GAREM1: variants seen among roughly 807,000 people sequenced by gnomAD.
GAREM1 encodes GRB2-associated and regulator of MAPK protein 1.
GAREM1 carries 26 observed loss-of-function variants against 71.3 expected under a neutral mutation model. That is an observed-to-expected ratio of 0.36 (90% confidence interval 0.27 to 0.51). The LOEUF (loss-of-function observed/expected upper bound fraction) is 0.51. Among genes scored for constraint, GAREM1 ranks in the 20% least tolerant of loss-of-function variants. The pLI, the probability that GAREM1 is intolerant of heterozygous loss-of-function variation, is 0.95. For missense variants in GAREM1, 1,026 were observed against 1,103.1 expected (o/e 0.93, Z 0.99); for synonymous variants, 440 against 433.2 (o/e 1.02, Z -0.20).
chr18:32,354,667 C>T (rs1358636180), intron 2 of GAREM1, among the ~76,000 whole-genome samples: 4 of 152,194 alleles, frequency 2.6e-5, no homozygotes. Context: ...GGTCAACTCC[C>T]TCCACTGGCT....
At chr18:32,434,065 G>C (rs561562763) in intron 1 of GAREM1, among the ~76,000 whole-genome samples, 1 of 152,104 alleles carries the variant, frequency 6.6e-6, no homozygotes, top group Non-Finnish European at 1.5e-5. Context: ...CTGGTGAATG[G>C]AGAGAGACAC....
At position 32,266,641 on chromosome 18, in the gene GAREM1, T is replaced by C. The variant is rs1047631808; in HGVS notation, c.*1230A>G. The C allele has an allele frequency of 2.0e-5, 3 of 152,216 alleles. No homozygotes were observed. Among genetic ancestry groups the C allele is most frequent in the African/African-American group, 4.8e-5 (2 of 41,450 alleles). The allele number at this position is 152,216 out of a possible 1,614,324, so 9.4% of individuals were successfully genotyped here. A position where few individuals can be genotyped will look rare whatever the true frequency, so the allele number is the denominator to read the frequency against. On this transcript the variant is annotated 3_prime_UTR_variant, in exon 6 of 6. Coordinates refer to ENST00000269209, the MANE Select transcript of GAREM1 (RefSeq NM_001242409.2). Reference sequence around the variant, plus strand: ...TGAAAGAGAGGGAAGAAGTGGTTTATGAAATAAACAAGTCCTCTTATTGGT... The same window carrying C: ...TGAAAGAGAGGGAAGAAGTGGTTTACGAAATAAACAAGTCCTCTTATTGGT...
At chr18:32,419,573 G>C (rs2048501113) in intron 1 of GAREM1, among the ~76,000 whole-genome samples, 1 of 152,156 alleles carries the variant, frequency 6.6e-6, no homozygotes, top group South Asian at 2.1e-4. Context: ...CTCCAGAACT[G>C]TGAGAAATAA....
intron 1 of GAREM1, among the ~76,000 whole-genome samples, chr18:32,411,493 C>T (rs2048416028): frequency 6.7e-6 from 1 of 148,740 alleles, no homozygotes; most frequent in Non-Finnish European, 1.5e-5. Context: ...AAAAATATTT[C>T]TTTTTTTTTT....
chr18:32,359,683 C>T (rs1373641841), intron 2 of GAREM1, among the ~76,000 whole-genome samples: 2 of 152,154 alleles, frequency 1.3e-5, no homozygotes, highest in African/African-American at 4.8e-5. Flanking sequence ...AAGATCCTTG[C>T]TAGCACTTTG....
Position 32,287,116 on chromosome 18 carries a change from AGAG to A in GAREM1, c.1478_1480del (p.Pro493del), listed in dbSNP as rs748425677. The A allele has an allele frequency of 5.6e-6, 9 of 1,614,076 alleles. No homozygotes were observed. Among genetic ancestry groups the A allele is most frequent in the East Asian group, 4.5e-5 (2 of 44,886 alleles). On this transcript the variant is annotated inframe_deletion, in exon 4 of 6. Transcript: ENST00000269209. This position sits in a 1 kb window ranked among gnomAD's most constrained non-coding sequence, Gnocchi z 5.9. ...TGCTCCCAGAGTCCCAGGGATGGGA[AGAG>A]GAGAAGTCGCACATTTGGATCGGAC...
chr18:32,416,419 T>C (rs948031547), intron 1 of GAREM1, among the ~76,000 whole-genome samples: 2 of 152,050 alleles, frequency 1.3e-5, no homozygotes, highest in Admixed American at 1.3e-4. Flanking sequence ...AAAGCTATCC[T>C]GAGCAAAAGA....
chr18:32,275,721 C>T (rs770883587), intron 4 of GAREM1, among the ~76,000 whole-genome samples: 7 of 152,158 alleles, frequency 4.6e-5, no homozygotes, highest in Non-Finnish European at 7.3e-5. Flanking sequence ...TCTTGTTGCC[C>T]AGGCTGGAGT....
chr18:32,450,815 G>A (rs1204924827), intron 1 of GAREM1, among the ~76,000 whole-genome samples: 1 of 152,084 alleles, frequency 6.6e-6, no homozygotes, highest in Non-Finnish European at 1.5e-5. Context: ...AGGGATACAA[G>A]GTGCATCACT....
At chr18:32,299,289 C>G (rs947908613) in intron 3 of GAREM1, among the ~76,000 whole-genome samples, 4 of 151,764 alleles carry the variant, frequency 2.6e-5, no homozygotes, top group Non-Finnish European at 4.4e-5. Context: ...CGGAGGCGGG[C>G]GGATCACGAG....
chr18:32,297,607 A>G (rs2047155849), intron 3 of GAREM1, among the ~76,000 whole-genome samples: 2 of 152,198 alleles, frequency 1.3e-5, no homozygotes, highest in Non-Finnish European at 2.9e-5. Flanking sequence ...TGTACTGAAT[A>G]TCGTTCAAAT....
At chr18:32,411,022 C>T (rs371934237) in intron 1 of GAREM1, among the ~76,000 whole-genome samples, 1 of 152,102 alleles carries the variant, frequency 6.6e-6, no homozygotes, top group Non-Finnish European at 1.5e-5. Context: ...AGGCTGGTCT[C>T]GAACTCCTGA....
At chr18:32,452,940 G>A (rs1248644445) in intron 1 of GAREM1, among the ~76,000 whole-genome samples, 1 of 151,888 alleles carries the variant, frequency 6.6e-6, no homozygotes, top group African/African-American at 2.4e-5. Flanking sequence ...GTTTACACGT[G>A]GGTGTGTGCT....
chr18:32,314,661 T>C (rs1427773814), intron 2 of GAREM1, among the ~76,000 whole-genome samples: 1 of 151,684 alleles, frequency 6.6e-6, no homozygotes, highest in Non-Finnish European at 1.5e-5. Context: ...CGATCTCAGC[T>C]CACTGCAACC....
chr18:32,274,923 T>C (rs1446730652), intron 4 of GAREM1, among the ~76,000 whole-genome samples: 2 of 150,178 alleles, frequency 1.3e-5, no homozygotes, highest in Non-Finnish European at 3.0e-5. Flanking sequence ...TCACACAGAA[T>C]GCCTGGTAGG....
chr18:32,409,502 G>A (rs2048397796), intron 1 of GAREM1, among the ~76,000 whole-genome samples: 2 of 152,112 alleles, frequency 1.3e-5, no homozygotes, highest in Non-Finnish European at 2.9e-5. Context: ...TCTAGACAAA[G>A]CAATATGTGG....
chr18:32,343,466 C>T (rs1407297058), intron 2 of GAREM1, among the ~76,000 whole-genome samples: 5 of 151,872 alleles, frequency 3.3e-5, no homozygotes, highest in African/African-American at 9.7e-5. Flanking sequence ...AGGCACCCGC[C>T]AATTTTGTAT....
intron 4 of GAREM1, among the ~76,000 whole-genome samples, chr18:32,283,415 C>T (rs144380453): frequency 5.3e-5 from 8 of 151,938 alleles, no homozygotes; most frequent in Non-Finnish European, 8.8e-5. Context: ...GATGTGGTAG[C>T]GCATGCCTGT....
rs992625772 is a variant in GAREM1 at position 32,323,473 on chromosome 18, C to T, written c.263-13150G>A. 2.0e-5 allele frequency among the ~76,000 whole-genome samples: 3 copies of T among 152,180 alleles called. No individual in the cohort carries two copies. The South Asian group carries it at 6.2e-4, about 32-fold the overall frequency. ...GGGCACAGTGGCTCACACCTGTAAT[C>T]CCAGCACTTTGGGAGGCCAAGGTGG... is the stretch of plus-strand genomic sequence containing the variant. On this transcript the variant is annotated intron_variant, in intron 2 of 5. Transcript: ENST00000269209.
Sources: gnomAD v4.1 joint callset for allele counts (sites outside exome capture counted in the v4.1 genomes callset) on GRCh38, gnomAD v4.1.1 for gene constraint, Gnocchi (gnomAD v3.1) non-coding constraint, MANE v1.5 for transcripts, NCBI Gene and HGNC (gene_info 2026-07-23, HGNC 2026-07-21) for gene names.